AFF2: variants seen among roughly 807,000 people sequenced by gnomAD.
The protein encoded by AFF2 is ALF transcription elongation factor 2.
Under a neutral mutation model 76.9 loss-of-function variants are expected in AFF2, and 14 were observed. The ratio of observed to expected loss-of-function variants is 0.18; its 90% CI spans 0.12 to 0.28. AFF2 has a LOEUF of 0.28. Ranked by LOEUF, AFF2 falls within the 10% of genes least tolerant of loss-of-function variation. The pLI is 1.00. For missense variants in AFF2, 868 were observed against 1,001.1 expected (o/e 0.87, Z 1.79); for synonymous variants, 398 against 366.7 (o/e 1.09, Z -0.98).
intron 3 of AFF2, among the ~76,000 whole-genome samples, chrX:148,795,826 AAAAAAAATATATATATATATATATATAT>A (rs2069965969): frequency 2.5e-5 from 1 of 39,833 alleles, no homozygotes; most frequent in African/African-American, 1.1e-4. Context: ...AAAAAAAAAA[AAAAAAAATATATATATATATATATATAT>A]ATATATATAT....
At chrX:148,608,323 A>G (rs1557249039) in intron 1 of AFF2, among the ~76,000 whole-genome samples, 2 of 111,350 alleles carry the variant, frequency 1.8e-5, no homozygotes, top group Non-Finnish European at 3.8e-5. Flanking sequence ...ACAGTCACGT[A>G]ACTATACAGT....
At chrX:148,584,664 T>C (rs113922395) in intron 1 of AFF2, among the ~76,000 whole-genome samples, 2,224 of 108,859 alleles carry the variant, frequency 0.02, 30 homozygotes, top group Middle Eastern at 0.047. Context: ...CAAGCGATTC[T>C]CCTGCCTCAC....
At chrX:148,516,339 A>T (rs2052533934) in intron 1 of AFF2, among the ~76,000 whole-genome samples, 1 of 111,595 alleles carries the variant, frequency 9.0e-6, no homozygotes, top group South Asian at 3.8e-4. Flanking sequence ...TGAGAAGCAG[A>T]TATTCAACAT....
At chrX:148,819,883 A>G (rs889214116) in intron 4 of AFF2, among the ~76,000 whole-genome samples, 4 of 111,557 alleles carry the variant, frequency 3.6e-5, no homozygotes, top group African/African-American at 1.3e-4. Flanking sequence ...GATTGTATTT[A>G]ATCTTTCTCC....
intron 3 of AFF2, among the ~76,000 whole-genome samples, chrX:148,804,872 C>G (rs1490192031): frequency 3.6e-5 from 4 of 111,849 alleles, no homozygotes; most frequent in African/African-American, 6.5e-5. Flanking sequence ...CAGACAGATC[C>G]TAATGTGAAC....
At position 148,993,779 on chromosome X, in the gene AFF2, A is replaced by G. The variant is rs2072560735; in HGVS notation, c.*2447A>G. The G allele has an allele frequency of 8.9e-6, 1 of 112,045 alleles. No individual in the cohort carries two copies. The allele number at this position is 112,045 out of a possible 1,213,427, so 9.2% of individuals were successfully genotyped here. A position where few individuals can be genotyped will look rare whatever the true frequency, so the allele number is the denominator to read the frequency against. On this transcript the variant is annotated 3_prime_UTR_variant, in exon 21 of 21. Coordinates refer to ENST00000370460, the MANE Select transcript of AFF2 (RefSeq NM_002025.4). Reference sequence around the variant, plus strand: ...TCTGACAATCGAGCTCTGGATCACCACTTGATTATGTAGTAGACTCATTTA... The same window carrying G: ...TCTGACAATCGAGCTCTGGATCACCGCTTGATTATGTAGTAGACTCATTTA...
At chrX:148,603,918 C>T (rs185157351) in intron 1 of AFF2, among the ~76,000 whole-genome samples, 41 of 110,574 alleles carry the variant, frequency 3.7e-4, no homozygotes, top group African/African-American at 1.1e-3. Context: ...TATTCTCCCT[C>T]GTGCACTTTG....
At chrX:148,647,755 C>A (rs782579059) in intron 1 of AFF2, among the ~76,000 whole-genome samples, 1 of 111,037 alleles carries the variant, frequency 9.0e-6, no homozygotes, top group African/African-American at 3.3e-5. Context: ...CTCTGACAAA[C>A]CCGCTGTGAG....
At chrX:148,647,044 G>A (rs1473458879) in intron 1 of AFF2, among the ~76,000 whole-genome samples, 2 of 111,895 alleles carry the variant, frequency 1.8e-5, no homozygotes, top group African/African-American at 6.5e-5. Context: ...AATAGGACTC[G>A]GTATAGAAAA....
At chrX:148,909,907 A>G (rs1557281827) in intron 9 of AFF2, among the ~76,000 whole-genome samples, 1 of 112,939 alleles carries the variant, frequency 8.9e-6, no homozygotes, top group African/African-American at 3.2e-5. Flanking sequence ...TATGTGACTT[A>G]TCACATACAT....
intron 1 of AFF2, among the ~76,000 whole-genome samples, chrX:148,549,594 C>G (rs1274246131): frequency 1.8e-5 from 2 of 111,725 alleles, no homozygotes; most frequent in South Asian, 3.8e-4. Context: ...AATCCTCTCT[C>G]CGTTTTAGAG....
chrX:148,845,455 A>AAT (rs2070655818), intron 7 of AFF2, among the ~76,000 whole-genome samples: 1 of 112,251 alleles, frequency 8.9e-6, no homozygotes, highest in Middle Eastern at 4.6e-3. Flanking sequence ...GTAAAACTAG[A>AAT]AGACACTGAG....
At chrX:148,851,557 T>A (rs1557275335) in intron 7 of AFF2, among the ~76,000 whole-genome samples, 1 of 111,203 alleles carries the variant, frequency 9.0e-6, no homozygotes, top group Admixed American at 9.6e-5. Flanking sequence ...CTAGGGTCCC[T>A]GAGAGAGCAA....
At chrX:148,522,490 C>A (rs1320247791) in intron 1 of AFF2, among the ~76,000 whole-genome samples, 2 of 112,402 alleles carry the variant, frequency 1.8e-5, no homozygotes, top group Admixed American at 1.9e-4. Context: ...AAAGGCTTTG[C>A]GGGAAAACTT....
chrX:148,823,654 CTG>C (rs1557272761), intron 4 of AFF2, among the ~76,000 whole-genome samples: 1 of 111,692 alleles, frequency 9.0e-6, no homozygotes, highest in African/African-American at 3.3e-5. Context: ...ACCTTCTAGA[CTG>C]TGTATTCTAG....
intron 3 of AFF2, among the ~76,000 whole-genome samples, chrX:148,675,542 T>C (rs1745737542): frequency 9.1e-6 from 1 of 110,432 alleles, no homozygotes. Flanking sequence ...CAGAGTCAGT[T>C]AAGGAGATGG....
chrX:148,701,403 C>T (rs1259929804), intron 3 of AFF2, among the ~76,000 whole-genome samples: 2 of 111,006 alleles, frequency 1.8e-5, no homozygotes, highest in African/African-American at 3.3e-5. Flanking sequence ...TCCATTCCTT[C>T]ATAGATAAGA....
chrX:148,678,777 G>GCCT lies in AFF2; in HGVS notation c.1041+16012_1041+16014dup, dbSNP rs782786194. The stretch of plus-strand genomic sequence containing the variant: ...TATATTTTGACTTATGAAGGAAAAG[G>GCCT]CCTCCCTGTCCCATAAATATGTACA... On this transcript the variant is annotated intron_variant, in intron 3 of 20. Transcript: ENST00000370460. Among the ~76,000 whole-genome samples the GCCT allele has an allele frequency of 5.4e-5, 6 of 111,569 alleles. No individual in the cohort carries two copies. The East Asian group carries it at 1.7e-3, about 31-fold the overall frequency.
At chrX:148,746,877 A>AT (rs1350531735) in intron 3 of AFF2, among the ~76,000 whole-genome samples, 1 of 112,438 alleles carries the variant, frequency 8.9e-6, no homozygotes, top group African/African-American at 3.2e-5. Context: ...GTAGAAACAG[A>AT]TTGTACCAAA....
Sources: gnomAD v4.1 joint callset for allele counts (sites outside exome capture counted in the v4.1 genomes callset) on GRCh38, gnomAD v4.1.1 for gene constraint, MANE v1.5 for transcripts, NCBI Gene and HGNC (gene_info 2026-07-23, HGNC 2026-07-21) for gene names.